The following FAM161A variants were observed in gnomAD, a reference collection of about 807,000 sequenced individuals.
The protein encoded by FAM161A is FAM161 centrosomal protein A, also known as protein FAM161A.
FAM161A carries 57 observed loss-of-function variants against 70.9 expected under a neutral mutation model. The observed-to-expected ratio is 0.80, with a 90% CI of 0.65 to 1.00. The LOEUF is 1.00. FAM161A is among the 50% of genes least tolerant of loss of function. The probability of loss-of-function intolerance (pLI) is 0.00; values close to 1 mark genes in which losing one functional copy is unlikely to be tolerated. For missense variants in FAM161A, 880 were observed against 836.0 expected, an observed-to-expected ratio of 1.05 and a Z score of -0.65; for synonymous variants, 299 against 295.7, an observed-to-expected ratio of 1.01 and a Z score of -0.12.
intron 1 of FAM161A, among the ~76,000 whole-genome samples, chr2:61,843,914 C>T (rs1445741654): frequency 6.6e-6 from 1 of 152,058 alleles, no homozygotes; most frequent in Non-Finnish European, 1.5e-5. Flanking sequence ...GAGGCCGAGG[C>T]AGGTGGATCA....
chr2:61,815,215 A>T, the FAM161A span, among the ~76,000 whole-genome samples: 609 of 152,362 alleles, frequency 4.0e-3, 5 homozygotes, highest in African/African-American at 0.014. Flanking sequence ...AATTACAGTT[A>T]TAAATTACTG....
chr2:61,816,450 G>A, the FAM161A span, among the ~76,000 whole-genome samples: 1 of 151,886 alleles, frequency 6.6e-6, no homozygotes, highest in East Asian at 1.9e-4. Flanking sequence ...TGTAAACTGA[G>A]GGTTTTTTGT....
intron 5 of FAM161A, among the ~76,000 whole-genome samples, chr2:61,832,911 A>C (rs530378396): frequency 1.2e-3 from 188 of 152,306 alleles, no homozygotes; most frequent in African/African-American, 4.3e-3. Flanking sequence ...GCTGGCCTAG[A>C]GAGAAACCAT....
intron 1 of FAM161A, among the ~76,000 whole-genome samples, chr2:61,848,689 AT>A (rs1572893661): frequency 6.7e-6 from 1 of 148,274 alleles, no homozygotes; most frequent in African/African-American, 2.5e-5. Flanking sequence ...TTTTGAAAAA[AT>A]TTTTTTCGCT....
chr2:61,822,912 C>T (rs1242148660), downstream of FAM161A, among the ~76,000 whole-genome samples: 1 of 151,840 alleles, frequency 6.6e-6, no homozygotes, highest in African/African-American at 2.4e-5. Flanking sequence ...TTTTGTATTG[C>T]CTAGGTCCAA....
chr2:61,820,379 C>A, downstream of FAM161A: 1 of 757,118 alleles, frequency 1.3e-6, no homozygotes, highest in South Asian at 1.3e-5. Flanking sequence ...GGGTTTGTCA[C>A]CTATGCCACT....
chr2:61,810,229 A>G, the FAM161A span, among the ~76,000 whole-genome samples: 1 of 152,170 alleles, frequency 6.6e-6, no homozygotes, highest in Non-Finnish European at 1.5e-5. Context: ...AATAGAAGTA[A>G]GACAGAGAAA....
intron 1 of FAM161A, among the ~76,000 whole-genome samples, chr2:61,849,995 G>A (rs543041305): frequency 2.6e-5 from 4 of 151,938 alleles, no homozygotes; most frequent in East Asian, 1.9e-4. Flanking sequence ...GAGGGAGGGC[G>A]GCGTAGGTTG....
chr2:61,822,021 A>G (rs759744754), downstream of FAM161A, among the ~76,000 whole-genome samples: 6 of 151,826 alleles, frequency 4.0e-5, no homozygotes, highest in Admixed American at 2.0e-4. Context: ...TGCCTGCCTC[A>G]GCCTCCCAAA....
chr2:61,840,747 T>A (rs1360445688), intron 2 of FAM161A, among the ~76,000 whole-genome samples, 166 bp from the exon 3 acceptor site: 5 of 152,026 alleles, frequency 3.3e-5, no homozygotes, highest in Non-Finnish European at 5.9e-5. Context: ...ACCTCCCAGG[T>A]TCAAGCAATT....
the FAM161A span, among the ~76,000 whole-genome samples, chr2:61,810,099 C>A: frequency 1.3e-5 from 2 of 152,070 alleles, no homozygotes; most frequent in Non-Finnish European, 2.9e-5. Flanking sequence ...AATTGTTGAC[C>A]CACAGAATCA....
At chr2:61,815,365 C>T in the FAM161A span, among the ~76,000 whole-genome samples, 1 of 151,934 alleles carries the variant, frequency 6.6e-6, no homozygotes, top group Non-Finnish European at 1.5e-5. Flanking sequence ...CAGGAAAGAA[C>T]CTGTTCGTTG....
the FAM161A span, among the ~76,000 whole-genome samples, chr2:61,819,321 CATG>C: frequency 6.6e-6 from 1 of 152,054 alleles, no homozygotes; most frequent in East Asian, 1.9e-4. Context: ...ATTAGCCGGG[CATG>C]GTGGTGGCGC....
intron 1 of FAM161A, among the ~76,000 whole-genome samples, chr2:61,849,613 C>T (rs957287835): frequency 1.3e-5 from 2 of 151,666 alleles, no homozygotes; most frequent in African/African-American, 2.4e-5. Context: ...GGTAAAACCC[C>T]GTCTCTACTA....
the FAM161A span, among the ~76,000 whole-genome samples, chr2:61,818,474 C>T: frequency 0.022 from 3,340 of 152,154 alleles, 63 homozygotes; most frequent in Non-Finnish European, 0.033. Flanking sequence ...TCTTCTTGTT[C>T]CAGAAAGTAA....
intron 5 of FAM161A, among the ~76,000 whole-genome samples, chr2:61,831,787 A>G (rs2105066834): frequency 6.6e-6 from 1 of 152,196 alleles, no homozygotes; most frequent in East Asian, 1.9e-4. Context: ...CTCAAAAAAC[A>G]TTATAAACCA....
At chr2:61,804,380 T>C in the FAM161A span, among the ~76,000 whole-genome samples, 1 of 152,042 alleles carries the variant, frequency 6.6e-6, no homozygotes, top group African/African-American at 2.4e-5. Context: ...CAGCCTAATT[T>C]CTCCCAGCTC....
the FAM161A span, among the ~76,000 whole-genome samples, chr2:61,808,569 G>T: frequency 4.6e-5 from 7 of 152,262 alleles, no homozygotes; most frequent in Admixed American, 2.6e-4. Flanking sequence ...ACCGTGCCTG[G>T]CCGGAAAAAT....
At chr2:61,838,892 A>ATTTATTTTT (rs747578151) in intron 3 of FAM161A, among the ~76,000 whole-genome samples, 187 bp from the exon 4 acceptor site, 24 of 130,268 alleles carry the variant, frequency 1.8e-4, no homozygotes, top group African/African-American at 6.2e-4. Context: ...TTATTTATTT[A>ATTTATTTTT]TTTTTTTTGA....
Sources: allele counts gnomAD v4.1 joint callset (sites outside exome capture counted in the v4.1 genomes callset), GRCh38; gene constraint gnomAD v4.1.1; transcripts MANE v1.5; gene names NCBI Gene and HGNC (gene_info 2026-07-23, HGNC 2026-07-21).